Variants in FMN2 observed in about 807,000 individuals in gnomAD.
FMN2 encodes formin 2.
Under a neutral mutation model 142.3 loss-of-function variants are expected in FMN2, and 51 were observed. That is an observed-to-expected ratio of 0.36 (90% CI 0.29 to 0.45). The LOEUF is 0.45. FMN2 is among the 20% of genes least tolerant of loss of function. The probability of loss-of-function intolerance (pLI) is 1.00; values close to 1 mark genes in which losing one functional copy is unlikely to be tolerated. For synonymous variants in FMN2, 882 were observed against 869.8 expected (o/e 1.01, Z -0.25); for missense variants, 1,936 against 2,122.8 (o/e 0.91, Z 1.73).
Position 240,267,555 on chromosome 1 carries a change from G to A in FMN2, c.4153+9523G>A, listed in dbSNP as rs75032967. 8.6e-5 allele frequency among the ~76,000 whole-genome samples: 13 copies of A among 151,262 alleles called. No homozygotes were observed. In the East Asian group the frequency reaches 2.6e-3, roughly 30 times the overall value. Reference sequence around the variant, plus strand: ...TGGGTACTAGGCTTAATACCTGGGTGATGAAATAATCTGCACAACAAACCC... The same window carrying A: ...TGGGTACTAGGCTTAATACCTGGGTAATGAAATAATCTGCACAACAAACCC... On this transcript the variant is annotated intron_variant, in intron 7 of 17. Transcript: ENST00000319653.
chr1:240,213,976 A>C (rs766040579), intron 6 of FMN2, among the ~76,000 whole-genome samples: 1 of 152,262 alleles, frequency 6.6e-6, no homozygotes, highest in Non-Finnish European at 1.5e-5. Context: ...ATAGAAATGA[A>C]GAATATCTTG....
intron 7 of FMN2, among the ~76,000 whole-genome samples, chr1:240,279,544 C>T (rs371491580): frequency 6.6e-6 from 1 of 152,296 alleles, no homozygotes; most frequent in African/African-American, 2.4e-5. Flanking sequence ...TAGCAGTCCA[C>T]TTTCCAGGCA....
rs1664992676 is a variant in FMN2, at chr1:240,177,982, A to T, written c.1844A>T (p.Glu615Val). The T allele has an allele frequency of 6.2e-7, 1 of 1,612,940 alleles. No individual in the cohort carries two copies. The highest frequency in any genetic ancestry group is 1.1e-5 in the South Asian group (1 of 90,912). ...CCCACACACTCATTGGACTATTCAG[A>T]AGGGCAGTTTCCTAGGCGAGTTCCA... ...SQPTHSLDYS[E>V]GQFPRRVPSM... The change falls in exon 3 of 18, where the codon GAA becomes GTA. Residue 615 changes from glutamate to valine, a missense_variant. Physicochemically the swap from Glu to Val is moderately radical, Grantham distance 121 (BLOSUM62 -2). Transcript: ENST00000319653.
intron 15 of FMN2, among the ~76,000 whole-genome samples, chr1:240,411,440 A>T (rs1674386241): frequency 6.6e-6 from 1 of 152,018 alleles, no homozygotes; most frequent in South Asian, 2.1e-4. Flanking sequence ...GCATGCTGTC[A>T]CATGCCTGTA....
chr1:240,258,955 T>G (rs1404823103), intron 7 of FMN2, among the ~76,000 whole-genome samples: 1 of 152,256 alleles, frequency 6.6e-6, no homozygotes, highest in South Asian at 2.1e-4. Flanking sequence ...TACCCCTTTA[T>G]GAATGTGGAT....
intron 4 of FMN2, among the ~76,000 whole-genome samples, chr1:240,194,719 G>T (rs1665847876): frequency 6.6e-6 from 1 of 152,204 alleles, no homozygotes; most frequent in African/African-American, 2.4e-5. Context: ...TTAAAGAGCG[G>T]TAGGATTATC....
chr1:240,321,353 C>G (rs1340769925), intron 8 of FMN2, among the ~76,000 whole-genome samples: 1 of 152,066 alleles, frequency 6.6e-6, no homozygotes, highest in African/African-American at 2.4e-5. Context: ...CTTTTATCCA[C>G]CAGCATAAGC....
intron 6 of FMN2, among the ~76,000 whole-genome samples, chr1:240,234,580 T>C (rs556892020): frequency 6.6e-6 from 1 of 152,288 alleles, no homozygotes; most frequent in African/African-American, 2.4e-5. Context: ...AATTGTGATG[T>C]TGGACAATAA....
At chr1:240,424,166 A>C (rs1674859917) in intron 15 of FMN2, among the ~76,000 whole-genome samples, 1 of 152,262 alleles carries the variant, frequency 6.6e-6, no homozygotes, top group Admixed American at 6.5e-5. Flanking sequence ...GTACATGAGC[A>C]ACATGTCATG....
In FMN2 at chr1:240,184,236, C is replaced by CTTT. The variant is rs34050336; in HGVS notation, c.1931-3949_1931-3947dup. ...AACTTTTTAAAATGGAATATTTAAC[C>CTTT]TTTTTTTTTTTTTTTTTTTTTTTTG... On this transcript the variant is annotated intron_variant, in intron 3 of 17. Transcript: ENST00000319653. Among the ~76,000 whole-genome samples the CTTT allele has an allele frequency of 7.3e-3, 577 of 79,390 alleles. 8 individuals carry two copies. Among genetic ancestry groups the CTTT allele is most frequent in the Middle Eastern group, 0.013 (1 of 76 alleles). The allele number at this position is 79,390 out of a possible 152,430, so 52.1% of individuals were successfully genotyped here.
chr1:240,211,105 C>T lies in FMN2; in HGVS notation c.3935C>T (p.Ser1312Leu), dbSNP rs1167106333. Residue 1312 changes from serine (S) to leucine (L), a missense_variant, in exon 6 of 18, where the codon TCA becomes TTA. Ser to Leu is a moderately radical substitution (Grantham distance 145). Transcript: ENST00000319653. ...QLHSKRDSST[S>L]LIWEKIEEPS... Reference sequence around the variant, plus strand: ...CTTAATTTTAGAGACTCCAGTACTTCACTTATTTGGGAAAAAATTGAAGAG... The same window carrying T: ...CTTAATTTTAGAGACTCCAGTACTTTACTTATTTGGGAAAAAATTGAAGAG... The T allele has an allele frequency of 2.5e-6, 4 of 1,611,682 alleles. No individual in the cohort carries two copies. In the African/African-American group the frequency reaches 5.4e-5, roughly 22 times the overall value.
intron 2 of FMN2, among the ~76,000 whole-genome samples, chr1:240,139,168 G>A (rs945154722): frequency 6.6e-6 from 1 of 152,164 alleles, no homozygotes; most frequent in Non-Finnish European, 1.5e-5. Context: ...GAAGCCTTGG[G>A]GATTTGGTTG....
In FMN2 at chr1:240,278,238, C is replaced by T. The variant is rs182580335; in HGVS notation, c.4154-16584C>T. Among the ~76,000 whole-genome samples, 478 of 152,286 alleles carry T rather than the reference C, an allele frequency of 3.1e-3. 3 individuals carry two copies. Among genetic ancestry groups the T allele is most frequent in the Middle Eastern group, 0.031 (9 of 294 alleles). On this transcript the variant is annotated intron_variant, in intron 7 of 17. Coordinates refer to ENST00000319653, the MANE Select transcript of FMN2 (RefSeq NM_020066.5). ...AATGAGCATTTGTAGGGTCAGTTGTCATTATCTTGGTCACGATCTTTGGAG... is the reference window on the plus strand; with the variant it reads ...AATGAGCATTTGTAGGGTCAGTTGTTATTATCTTGGTCACGATCTTTGGAG...
intron 14 of FMN2, among the ~76,000 whole-genome samples, chr1:240,356,926 T>A (rs145292797): frequency 5.8e-4 from 88 of 152,356 alleles, no homozygotes; most frequent in Admixed American, 2.0e-3. Context: ...CTGGTGAAAT[T>A]CATAAATCAC....
intron 15 of FMN2, among the ~76,000 whole-genome samples, chr1:240,435,944 A>G (rs1371134320): frequency 6.6e-6 from 1 of 152,252 alleles, no homozygotes; most frequent in African/African-American, 2.4e-5. Flanking sequence ...GATAGAAAAG[A>G]CTTGAGACCT....
At chr1:240,149,239 T>C (rs1663660009) in intron 2 of FMN2, among the ~76,000 whole-genome samples, 1 of 152,218 alleles carries the variant, frequency 6.6e-6, no homozygotes, top group African/African-American at 2.4e-5. Flanking sequence ...CTGTAAGGTT[T>C]ATATTCTATA....
At chr1:240,406,783 G>A (rs1174880034) in intron 15 of FMN2, among the ~76,000 whole-genome samples, 1 of 152,108 alleles carries the variant, frequency 6.6e-6, no homozygotes, top group Non-Finnish European at 1.5e-5. Flanking sequence ...CCCCCAGCCC[G>A]GTCTATAGTT....
chr1:240,257,722 G>A (rs1460386602), intron 6 of FMN2, among the ~76,000 whole-genome samples: 1 of 152,076 alleles, frequency 6.6e-6, no homozygotes, highest in Non-Finnish European at 1.5e-5. Context: ...TGTCTTTGAG[G>A]CTGATGGTGA....
chr1:240,336,648 G>C (rs1490840078), intron 13 of FMN2, among the ~76,000 whole-genome samples: 1 of 145,366 alleles, frequency 6.9e-6, no homozygotes, highest in Non-Finnish European at 1.5e-5. Flanking sequence ...GGTGTGTTCT[G>C]TAGTCACTGA....
Sources: allele counts gnomAD v4.1 joint callset (sites outside exome capture counted in the v4.1 genomes callset), GRCh38; gene constraint gnomAD v4.1.1; transcripts MANE v1.5; gene names NCBI Gene and HGNC (gene_info 2026-07-23, HGNC 2026-07-21).